Variants in SLC35F1 observed in about 807,000 individuals in gnomAD.
The protein encoded by SLC35F1 is solute carrier family 35 member F1, also known as chromosome 6 open reading frame 169.
A neutral mutation model predicts 48.7 loss-of-function variants in SLC35F1; 14 were observed. The observed-to-expected ratio is 0.29, with a 90% CI of 0.19 to 0.45. The LOEUF (loss-of-function observed/expected upper bound fraction) is 0.45. Ranked by LOEUF, SLC35F1 falls within the 20% of genes least tolerant of loss-of-function variation. The pLI, the probability that SLC35F1 is intolerant of heterozygous loss-of-function variation, is 1.00. For synonymous variants in SLC35F1, 190 were observed against 202.2 expected, an observed-to-expected ratio of 0.94 and a Z score of 0.51; for missense variants, 404 against 500.0, an observed-to-expected ratio of 0.81 and a Z score of 1.83.
chr6:117,971,272 A>G (rs1776634429), intron 1 of SLC35F1, among the ~76,000 whole-genome samples: 1 of 152,224 alleles, frequency 6.6e-6, no homozygotes, highest in Non-Finnish European at 1.5e-5. Context: ...CATGTCTCAT[A>G]TCCAGGTCAT....
intron 1 of SLC35F1, chr6:117,999,502 C>T: frequency 7.8e-7 from 1 of 1,288,044 alleles, no homozygotes; most frequent in Non-Finnish European, 1.1e-6. Flanking sequence ...CACCCCCACC[C>T]CTGGGCTATC....
At chr6:118,298,884 C>T (rs990099820) in intron 7 of SLC35F1, among the ~76,000 whole-genome samples, 1 of 152,186 alleles carries the variant, frequency 6.6e-6, no homozygotes, top group African/African-American at 2.4e-5. Flanking sequence ...CTCAGAAATA[C>T]TTTTATTGTG....
At position 118,285,150 on chromosome 6, in the gene SLC35F1, C is replaced by T. The variant is rs759826853; in HGVS notation, c.848-34C>T. ...GATGCTGAAGATGCCCTGGAGGAGG[C>T]CCTGACGCTGCCTTCTCTTTACTCT... is the stretch of plus-strand genomic sequence containing the variant. On this transcript the variant is annotated intron_variant, in intron 6 of 7. Transcript: ENST00000360388. 16 of 1,606,406 alleles carry T rather than the reference C, an allele frequency of 1.0e-5. No individual in the cohort carries two copies. The South Asian group carries it at 1.4e-4, about 14-fold the overall frequency.
chr6:117,975,159 C>T (rs1051599246), intron 1 of SLC35F1, among the ~76,000 whole-genome samples: 4 of 152,198 alleles, frequency 2.6e-5, no homozygotes, highest in South Asian at 2.1e-4. Flanking sequence ...TTACTTCCTT[C>T]CATTGATGTT....
intron 1 of SLC35F1, among the ~76,000 whole-genome samples, chr6:118,004,614 T>A (rs1163259492): frequency 6.6e-6 from 1 of 152,178 alleles, no homozygotes; most frequent in African/African-American, 2.4e-5. Flanking sequence ...CAGGCTGGAA[T>A]GCAGCAGCCT....
chr6:118,070,760 T>A (rs1484578614), intron 1 of SLC35F1, among the ~76,000 whole-genome samples: 1 of 149,630 alleles, frequency 6.7e-6, no homozygotes, highest in East Asian at 1.9e-4. Flanking sequence ...TAGATTTTTT[T>A]ACACTAGCCC....
At chr6:117,948,367 A>G (rs2114825102) in intron 1 of SLC35F1, among the ~76,000 whole-genome samples, 1 of 152,220 alleles carries the variant, frequency 6.6e-6, no homozygotes, top group East Asian at 1.9e-4. Context: ...CCTTTACTTT[A>G]CTCTGAGGTC....
chr6:118,006,920 G>A (rs1383688299), intron 1 of SLC35F1, among the ~76,000 whole-genome samples: 1 of 151,760 alleles, frequency 6.6e-6, no homozygotes. Context: ...AATAACTTTA[G>A]ACTACAAATT....
chr6:117,913,332 T>A (rs1375583797), intron 1 of SLC35F1, among the ~76,000 whole-genome samples: 1 of 152,236 alleles, frequency 6.6e-6, no homozygotes, highest in Admixed American at 6.5e-5. Context: ...AAGCAGTAAC[T>A]GTATGCTGAG....
At chr6:118,175,460 A>C (rs1173610207) in intron 2 of SLC35F1, among the ~76,000 whole-genome samples, 1 of 152,166 alleles carries the variant, frequency 6.6e-6, no homozygotes. Flanking sequence ...AAACTTTGTA[A>C]TCAAAACTTT....
At chr6:118,153,293 TAGA>T (rs1554231570) in intron 1 of SLC35F1, among the ~76,000 whole-genome samples, 1 of 152,204 alleles carries the variant, frequency 6.6e-6, no homozygotes, top group Non-Finnish European at 1.5e-5. Context: ...CCAAAAGCGC[TAGA>T]AGATTTTGAA....
chr6:118,112,161 G>A (rs971819238), intron 1 of SLC35F1, among the ~76,000 whole-genome samples: 1 of 142,660 alleles, frequency 7.0e-6, no homozygotes, highest in Non-Finnish European at 1.5e-5. Context: ...ACGGTGTCTT[G>A]TTCTGTCACC....
chr6:118,285,438 G>T, intron 7 of SLC35F1, 100 bp downstream of exon 7: 1 of 1,366,916 alleles, frequency 7.3e-7, no homozygotes, highest in African/African-American at 1.4e-5. Context: ...TTTTGTGTAG[G>T]GAATAGTAAT....
chr6:118,027,645 T>C (rs9320625), intron 1 of SLC35F1, among the ~76,000 whole-genome samples: 2 of 151,810 alleles, frequency 1.3e-5, no homozygotes, highest in Admixed American at 6.6e-5. Context: ...TAAAAAAAGT[T>C]TGGATGGTTT....
At chr6:118,028,381 G>T (rs111726172) in intron 1 of SLC35F1, among the ~76,000 whole-genome samples, 2,207 of 152,208 alleles carry the variant, frequency 0.014, 62 homozygotes, top group African/African-American at 0.05. Flanking sequence ...AATGAGTAGG[G>T]AGGGATAATA....
chr6:118,028,092 A>G (rs1771984470), intron 1 of SLC35F1, among the ~76,000 whole-genome samples: 1 of 152,136 alleles, frequency 6.6e-6, no homozygotes, highest in Non-Finnish European at 1.5e-5. Context: ...TGGAATTCCA[A>G]GACTTTATCT....
At chr6:118,272,227 G>A (rs1775860307) in intron 4 of SLC35F1, among the ~76,000 whole-genome samples, 1 of 152,180 alleles carries the variant, frequency 6.6e-6, no homozygotes, top group African/African-American at 2.4e-5. Context: ...ACAGTTGGCT[G>A]CGGGGAAATG....
In SLC35F1 at chr6:118,317,055, C is replaced by G. The variant is rs937145909; in HGVS notation, c.*2803C>G. On this transcript the variant is annotated 3_prime_UTR_variant, in exon 8 of 8. Coordinates refer to ENST00000360388, the MANE Select transcript of SLC35F1 (RefSeq NM_001029858.4). ...GAGATTTCATAACCTCAGTAGACAC[C>G]AGCAAAATTTTCAGTTTCTAACTCC... The G allele has an allele frequency of 6.6e-6, 1 of 152,544 alleles. No homozygotes were observed. Among genetic ancestry groups the G allele is most frequent in the African/African-American group, 2.4e-5 (1 of 41,402 alleles). 9.4% of individuals were successfully genotyped at this position (152,544 alleles called of 1,614,324 possible).
intron 1 of SLC35F1, among the ~76,000 whole-genome samples, chr6:117,971,376 G>A (rs537765908): frequency 1.3e-5 from 2 of 152,346 alleles, no homozygotes; most frequent in East Asian, 3.9e-4. Flanking sequence ...TTCACAGGCT[G>A]TTGTTGAGTG....
Sources: gnomAD v4.1 joint callset for allele counts (sites outside exome capture counted in the v4.1 genomes callset) on GRCh38, gnomAD v4.1.1 for gene constraint, MANE v1.5 for transcripts, NCBI Gene and HGNC (gene_info 2026-07-23, HGNC 2026-07-21) for gene names.